Variants in FILIP1 observed in about 807,000 individuals in gnomAD.
FILIP1 encodes filamin A interacting protein 1.
Under a neutral mutation model 102.1 loss-of-function variants are expected in FILIP1, and 61 were observed. That is an observed-to-expected ratio of 0.60 (90% CI 0.49 to 0.74). The LOEUF (loss-of-function observed/expected upper bound fraction) is 0.74. Among genes scored for constraint, FILIP1 ranks in the 30% least tolerant of loss-of-function variants. The pLI is 0.00. For synonymous variants in FILIP1, 491 were observed against 526.9 expected (o/e 0.93, Z 0.93); for missense variants, 1,314 against 1,441.2 (o/e 0.91, Z 1.43).
chr6:75,392,917 C>T (rs1012064458), intron 2 of FILIP1, among the ~76,000 whole-genome samples: 3 of 152,194 alleles, frequency 2.0e-5, no homozygotes, highest in Non-Finnish European at 4.4e-5. Flanking sequence ...CCGCCATGAT[C>T]GTGAGGCCTC....
chr6:75,308,977 G>T (rs777917101), intron 5 of FILIP1, 80 bp from the exon 6 acceptor site: 30 of 1,486,482 alleles, frequency 2.0e-5, no homozygotes, highest in Non-Finnish European at 2.8e-5. Context: ...GAACATTAGT[G>T]GGACTCTTGC....
At chr6:75,323,438 T>C (rs1290861528) in intron 4 of FILIP1, among the ~76,000 whole-genome samples, 1 of 152,172 alleles carries the variant, frequency 6.6e-6, no homozygotes, top group Non-Finnish European at 1.5e-5. Context: ...GGGAGAAAGA[T>C]TGTAAACAAA....
At chr6:75,409,806 C>A (rs1005728140) in intron 2 of FILIP1, among the ~76,000 whole-genome samples, 2 of 152,148 alleles carry the variant, frequency 1.3e-5, no homozygotes, top group African/African-American at 4.8e-5. Flanking sequence ...ACTGACCCCA[C>A]CTGGACCCAT....
At chr6:75,374,347 TC>T in intron 2 of FILIP1, among the ~76,000 whole-genome samples, 1 of 152,172 alleles carries the variant, frequency 6.6e-6, no homozygotes, top group African/African-American at 2.4e-5. Flanking sequence ...GCAGATAGGG[TC>T]CAGCTTTCTG....
At chr6:75,361,247 C>G (rs1231659428) in intron 3 of FILIP1, among the ~76,000 whole-genome samples, 4 of 152,178 alleles carry the variant, frequency 2.6e-5, no homozygotes, top group African/African-American at 7.2e-5. Flanking sequence ...GGCCTACTTT[C>G]TAAAGGTAGG....
At chr6:75,429,507 G>A (rs894541352) in intron 1 of FILIP1, among the ~76,000 whole-genome samples, 1 of 152,180 alleles carries the variant, frequency 6.6e-6, no homozygotes, top group African/African-American at 2.4e-5. Context: ...CAAAGCTGAG[G>A]CCCCTAGCAG....
intron 3 of FILIP1, among the ~76,000 whole-genome samples, chr6:75,357,872 A>C (rs1775055426): frequency 6.6e-6 from 1 of 152,180 alleles, no homozygotes; most frequent in Non-Finnish European, 1.5e-5. Flanking sequence ...ATATCCCATA[A>C]CTATAGATTC....
intron 4 of FILIP1, among the ~76,000 whole-genome samples, chr6:75,324,765 G>A (rs2149569217): frequency 6.6e-6 from 1 of 152,266 alleles, no homozygotes; most frequent in East Asian, 1.9e-4. Context: ...ACAGAATAGA[G>A]AACCTGGAAA....
At chr6:75,377,538 T>C (rs1163966412) in intron 2 of FILIP1, among the ~76,000 whole-genome samples, 1 of 152,206 alleles carries the variant, frequency 6.6e-6, no homozygotes, top group East Asian at 1.9e-4. Context: ...TACCTGATAC[T>C]TCCCTATTCA....
At chr6:75,315,306 C>T in intron 4 of FILIP1, 104 bp from the exon 5 acceptor site, 1 of 674,922 alleles carries the variant, frequency 1.5e-6, no homozygotes, top group Non-Finnish European at 2.3e-6. Context: ...AATCCCTTAT[C>T]AATTGCTATA....
intron 1 of FILIP1, among the ~76,000 whole-genome samples, chr6:75,487,581 T>A (rs1779827923): frequency 6.6e-6 from 1 of 151,786 alleles, no homozygotes; most frequent in African/African-American, 2.4e-5. Context: ...AAAACCTAAT[T>A]TTTGCATAGA....
intron 1 of FILIP1, among the ~76,000 whole-genome samples, chr6:75,446,386 G>A (rs896324444): frequency 2.6e-5 from 4 of 152,142 alleles, no homozygotes; most frequent in Non-Finnish European, 5.9e-5. Context: ...GAATGCTGTG[G>A]ATGTAACCAC....
In FILIP1 at chr6:75,385,358, T is replaced by A. The variant is rs537986815; in HGVS notation, c.277-22441A>T. On this transcript the variant is annotated intron_variant, in intron 2 of 5. Coordinates refer to ENST00000237172, the MANE Select transcript of FILIP1 (RefSeq NM_015687.5). Reference sequence around the variant, plus strand: ...ATTAATATTTTAAGAAGCATTTGAATGCTATTGGGCGCACTTGAAGGAGTG... The same window carrying A: ...ATTAATATTTTAAGAAGCATTTGAAAGCTATTGGGCGCACTTGAAGGAGTG... Among the ~76,000 whole-genome samples the A allele has an allele frequency of 9.2e-4, 140 of 152,296 alleles. 1 individual carries two copies. The highest frequency in any genetic ancestry group is 3.4e-3 in the African/African-American group (140 of 41,562).
intron 1 of FILIP1, among the ~76,000 whole-genome samples, chr6:75,459,764 T>C (rs1778961829): frequency 6.6e-6 from 1 of 152,198 alleles, no homozygotes; most frequent in South Asian, 2.1e-4. Flanking sequence ...AATTGTCAAA[T>C]ATATTTCTTG....
intron 4 of FILIP1, among the ~76,000 whole-genome samples, chr6:75,352,233 A>G (rs188639101): frequency 4.4e-4 from 67 of 152,356 alleles, no homozygotes; most frequent in African/African-American, 1.6e-3. Flanking sequence ...AACTAAATAG[A>G]TAATAAAGCC....
At chr6:75,330,736 T>C (rs1459728775) in intron 4 of FILIP1, among the ~76,000 whole-genome samples, 2 of 152,226 alleles carry the variant, frequency 1.3e-5, no homozygotes, top group Admixed American at 1.3e-4. Flanking sequence ...ATGGCAAACA[T>C]ACAAAGCTCA....
intron 4 of FILIP1, among the ~76,000 whole-genome samples, chr6:75,351,213 A>G (rs1414653470): frequency 6.6e-6 from 1 of 152,012 alleles, no homozygotes; most frequent in Non-Finnish European, 1.5e-5. Context: ...ACAGGTGCAC[A>G]CCACCATGCC....
chr6:75,400,718 C>T (rs1776627653), intron 2 of FILIP1, among the ~76,000 whole-genome samples: 1 of 151,958 alleles, frequency 6.6e-6, no homozygotes, highest in African/African-American at 2.4e-5. Context: ...ATGGGAGATT[C>T]AGGGATGGGG....
intron 2 of FILIP1, among the ~76,000 whole-genome samples, chr6:75,377,109 T>C (rs1199622008): frequency 1.3e-5 from 2 of 152,054 alleles, no homozygotes; most frequent in Non-Finnish European, 2.9e-5. Context: ...AAAGTCAAGC[T>C]CTCTGATTTA....
Sources: gnomAD v4.1 joint callset for allele counts (sites outside exome capture counted in the v4.1 genomes callset) on GRCh38, gnomAD v4.1.1 for gene constraint, MANE v1.5 for transcripts, NCBI Gene and HGNC (gene_info 2026-07-23, HGNC 2026-07-21) for gene names.